RSU1: variants seen among roughly 807,000 people sequenced by gnomAD.
RSU1 encodes Ras suppressor protein 1.
In RSU1, 26 loss-of-function variants were observed where a neutral mutation model predicts 31.1. That is an observed-to-expected ratio of 0.84 (90% confidence interval 0.61 to 1.16). RSU1 has a LOEUF of 1.16. Ranked by LOEUF, RSU1 falls within the 50% of genes most tolerant of loss-of-function variation. The pLI, the probability that RSU1 is intolerant of heterozygous loss-of-function variation, is 0.00. For synonymous variants in RSU1, 164 were observed against 136.3 expected (o/e 1.20, Z -1.41); for missense variants, 320 against 339.1 (o/e 0.94, Z 0.44).
chr10:16,745,520 T>C (rs1267967227), intron 7 of RSU1, among the ~76,000 whole-genome samples: 2 of 152,118 alleles, frequency 1.3e-5, no homozygotes, highest in Non-Finnish European at 2.9e-5. Context: ...GCAAGTCACA[T>C]CTTACATGAA....
At chr10:16,656,859 C>G (rs1834792532) in intron 8 of RSU1, among the ~76,000 whole-genome samples, 1 of 152,182 alleles carries the variant, frequency 6.6e-6, no homozygotes, top group Non-Finnish European at 1.5e-5. Context: ...CCCACTTCCA[C>G]TATTGAATCA....
At chr10:16,783,663 T>C (rs906829417) in intron 2 of RSU1, among the ~76,000 whole-genome samples, 7 of 152,168 alleles carry the variant, frequency 4.6e-5, no homozygotes, top group African/African-American at 1.7e-4. Flanking sequence ...CGCATGTTTT[T>C]TTTTTTGTTT....
At chr10:16,610,233 A>G (rs773046384) in intron 8 of RSU1, among the ~76,000 whole-genome samples, 3 of 152,192 alleles carry the variant, frequency 2.0e-5, no homozygotes, top group Non-Finnish European at 4.4e-5. Context: ...CTACAGTTCA[A>G]CAGCTCAGGA....
chr10:16,718,837 C>T (rs1376363858), intron 7 of RSU1, among the ~76,000 whole-genome samples: 2 of 151,854 alleles, frequency 1.3e-5, no homozygotes, highest in Non-Finnish European at 2.9e-5. Flanking sequence ...AATAATTAGC[C>T]GGGCATGGTG....
At chr10:16,774,930 G>A (rs572428414) in intron 3 of RSU1, among the ~76,000 whole-genome samples, 175 of 152,204 alleles carry the variant, frequency 1.1e-3, no homozygotes, top group African/African-American at 3.9e-3. Flanking sequence ...TTAGCCAGGC[G>A]TGGTGGTGCA....
At chr10:16,801,064 C>A (rs1838145374) in intron 2 of RSU1, among the ~76,000 whole-genome samples, 2 of 147,948 alleles carry the variant, frequency 1.4e-5, no homozygotes, top group African/African-American at 2.5e-5. Context: ...CCAAACATAT[C>A]AATTATAAGA....
intron 7 of RSU1, among the ~76,000 whole-genome samples, chr10:16,725,649 T>C (rs899646887): frequency 2.6e-5 from 4 of 151,726 alleles, no homozygotes; most frequent in Non-Finnish European, 1.5e-5. Context: ...GGACACAGCA[T>C]TTCTCTTCTC....
chr10:16,714,499 C>A (rs985435893), intron 7 of RSU1, among the ~76,000 whole-genome samples: 1 of 152,184 alleles, frequency 6.6e-6, no homozygotes, highest in Non-Finnish European at 1.5e-5. Flanking sequence ...TATGGATGCA[C>A]CGCGCTTGGT....
At chr10:16,669,034 G>A (rs550860397) in intron 8 of RSU1, among the ~76,000 whole-genome samples, 1 of 152,098 alleles carries the variant, frequency 6.6e-6, no homozygotes, top group Admixed American at 6.5e-5. Context: ...TTTCTGTAGC[G>A]GTTCAAGCCT....
At chr10:16,718,031 A>C (rs1391309002) in intron 7 of RSU1, among the ~76,000 whole-genome samples, 2 of 151,950 alleles carry the variant, frequency 1.3e-5, no homozygotes, top group Admixed American at 6.6e-5. Context: ...CTACTCAAGA[A>C]AGAAAACAAT....
intron 7 of RSU1, among the ~76,000 whole-genome samples, chr10:16,731,614 CAGCAATG>C (rs1464421384): frequency 6.6e-6 from 1 of 152,180 alleles, no homozygotes; most frequent in Non-Finnish European, 1.5e-5. Flanking sequence ...TACAATCCAA[CAGCAATG>C]CATGAAAATG....
chr10:16,806,452 T>C (rs944108743), intron 2 of RSU1, among the ~76,000 whole-genome samples: 4 of 152,186 alleles, frequency 2.6e-5, no homozygotes, highest in African/African-American at 4.8e-5. Flanking sequence ...CTGGGTGACT[T>C]TGAGCAAGTT....
At chr10:16,782,567 C>T (rs1008855978) in intron 2 of RSU1, among the ~76,000 whole-genome samples, 4 of 152,150 alleles carry the variant, frequency 2.6e-5, no homozygotes, top group East Asian at 1.9e-4. Context: ...AGCTATGTTC[C>T]GTGCCCATCC....
chr10:16,697,987 C>CT (rs67816326), intron 7 of RSU1, among the ~76,000 whole-genome samples: 1,508 of 99,158 alleles, frequency 0.015, 36 homozygotes, highest in South Asian at 0.025. Context: ...AGGAACACAC[C>CT]TTTTTTTTTT....
Position 16,592,545 on chromosome 10 carries a change from G to A in RSU1, c.*849C>T, listed in dbSNP as rs749843647. On this transcript the variant is annotated 3_prime_UTR_variant, in exon 9 of 9. Transcript: ENST00000345264. ...ATGCTTCGATGCGAGCAGATTTTCCGCCGTGACAAAATACACAGTTGAGGT... is the reference window on the plus strand; with the variant it reads ...ATGCTTCGATGCGAGCAGATTTTCCACCGTGACAAAATACACAGTTGAGGT... The A allele has an allele frequency of 2.0e-5, 3 of 152,094 alleles. No homozygotes were observed. The highest frequency in any genetic ancestry group is 2.9e-5 in the Non-Finnish European group (2 of 68,036). The allele number at this position is 152,094 out of a possible 1,614,324, so 9.4% of individuals were successfully genotyped here. A position where few individuals can be genotyped will look rare whatever the true frequency, so the allele number is the denominator to read the frequency against.
intron 2 of RSU1, among the ~76,000 whole-genome samples, chr10:16,782,913 A>AT (rs397956304): frequency 0.073 from 7,029 of 96,852 alleles, 537 homozygotes; most frequent in African/African-American, 0.23. Flanking sequence ...AATTTTTCCT[A>AT]TTTTTTTTTT....
intron 8 of RSU1, among the ~76,000 whole-genome samples, chr10:16,602,116 G>A (rs1168456133): frequency 6.6e-6 from 1 of 152,162 alleles, no homozygotes; most frequent in Non-Finnish European, 1.5e-5. Context: ...CTCTGCAACT[G>A]AGATCTCCTC....
intron 8 of RSU1, among the ~76,000 whole-genome samples, chr10:16,607,082 G>C (rs1259089909): frequency 6.6e-6 from 1 of 152,174 alleles, no homozygotes; most frequent in Non-Finnish European, 1.5e-5. Flanking sequence ...CTCATGAATG[G>C]TTCAGCACTA....
At chr10:16,660,523 T>A (rs561653772) in intron 8 of RSU1, among the ~76,000 whole-genome samples, 1 of 152,162 alleles carries the variant, frequency 6.6e-6, no homozygotes, top group Non-Finnish European at 1.5e-5. Flanking sequence ...AATCAACATA[T>A]GTTAAATCTT....
Sources: allele counts gnomAD v4.1 joint callset (sites outside exome capture counted in the v4.1 genomes callset), GRCh38; gene constraint gnomAD v4.1.1; transcripts MANE v1.5; gene names NCBI Gene and HGNC (gene_info 2026-07-23, HGNC 2026-07-21).